The following CTNNA3 variants were observed in gnomAD, a reference collection of about 807,000 sequenced individuals.
CTNNA3 encodes catenin alpha-3.
In CTNNA3, 76 loss-of-function variants were observed where a neutral mutation model predicts 95.7. The observed-to-expected ratio is 0.79, with a 90% CI of 0.66 to 0.96. The LOEUF is 0.96. CTNNA3 is among the 40% of genes least tolerant of loss of function. The pLI, the probability that CTNNA3 is intolerant of heterozygous loss-of-function variation, is 0.00. For missense variants in CTNNA3, 1,191 were observed against 1,089.8 expected (o/e 1.09, Z -1.31); for synonymous variants, 431 against 374.4 (o/e 1.15, Z -1.74).
chr10:67,296,934 C>CA (rs1210482029), intron 5 of CTNNA3, among the ~76,000 whole-genome samples: 907 of 17,560 alleles, frequency 0.052, 138 homozygotes, highest in African/African-American at 0.078. Flanking sequence ...AACGCTGTCT[C>CA]AAAAAAAAAA....
At chr10:67,195,607 G>T (rs1420503330) in intron 6 of CTNNA3, among the ~76,000 whole-genome samples, 1 of 151,912 alleles carries the variant, frequency 6.6e-6, no homozygotes, top group Non-Finnish European at 1.5e-5. Flanking sequence ...TAAAGCCATA[G>T]ACCCATATGA....
At chr10:66,857,908 C>G (rs769690724) in intron 7 of CTNNA3, among the ~76,000 whole-genome samples, 5 of 152,054 alleles carry the variant, frequency 3.3e-5, no homozygotes, top group Non-Finnish European at 7.4e-5. Flanking sequence ...CTTGCTCTTG[C>G]CTGACTGGTC....
At chr10:65,957,637 C>T (rs904622996) in intron 17 of CTNNA3, among the ~76,000 whole-genome samples, 3 of 152,112 alleles carry the variant, frequency 2.0e-5, no homozygotes, top group Non-Finnish European at 4.4e-5. Flanking sequence ...TTTATACCTC[C>T]TTCACTTATG....
At position 67,050,659 on chromosome 10, in the gene CTNNA3, C is replaced by A. The variant is rs77678990; in HGVS notation, c.1047+129658G>T. Among the ~76,000 whole-genome samples the A allele has an allele frequency of 2.9e-3, 442 of 152,300 alleles. 8 individuals are homozygous for A. The East Asian group carries it at 0.058, about 20-fold the overall frequency. ...TGTGATTGCCCAGACTCGTGTCCTG[C>A]ATGGAATTTAAACTACTTTTGTAAC... is the stretch of plus-strand genomic sequence containing the variant. On this transcript the variant is annotated intron_variant, in intron 7 of 17. Transcript: ENST00000433211.
intron 7 of CTNNA3, among the ~76,000 whole-genome samples, chr10:66,806,800 A>C (rs1367784547): frequency 6.8e-6 from 1 of 147,202 alleles, no homozygotes; most frequent in Non-Finnish European, 1.5e-5. Flanking sequence ...GTGTGTGTAT[A>C]CATATATACA....
chr10:67,408,882 C>CAAAAAAAAAAAAAA (rs766212790), intron 5 of CTNNA3, among the ~76,000 whole-genome samples: 1 of 97,198 alleles, frequency 1.0e-5, no homozygotes, highest in East Asian at 3.9e-4. Context: ...CTTAAATTTA[C>CAAAAAAAAAAAAAA]AAAAAAAAAA....
intron 13 of CTNNA3, among the ~76,000 whole-genome samples, chr10:66,121,011 C>T (rs377212833): frequency 2.1e-4 from 32 of 152,230 alleles, no homozygotes; most frequent in African/African-American, 6.7e-4. Flanking sequence ...AGCTTCTCTC[C>T]GTGATGTCCT....
intron 11 of CTNNA3, among the ~76,000 whole-genome samples, chr10:66,447,111 C>G (rs1216151802): frequency 6.6e-6 from 1 of 151,766 alleles, no homozygotes; most frequent in Admixed American, 6.6e-5. Context: ...AGGAATCCAA[C>G]TTACAAGGGA....
intron 2 of CTNNA3, among the ~76,000 whole-genome samples, chr10:67,621,237 G>A (rs538262895): frequency 1.3e-5 from 2 of 152,208 alleles, no homozygotes; most frequent in African/African-American, 4.8e-5. Flanking sequence ...AGCCAGGGTT[G>A]AAAACCACTG....
chr10:66,822,831 G>A (rs1842349284), intron 7 of CTNNA3, among the ~76,000 whole-genome samples: 1 of 152,202 alleles, frequency 6.6e-6, no homozygotes, highest in African/African-American at 2.4e-5. Flanking sequence ...GGGCAGAGCA[G>A]GTGCTGCTGA....
intron 6 of CTNNA3, among the ~76,000 whole-genome samples, chr10:67,210,450 A>C (rs895746474): frequency 9.8e-5 from 15 of 152,338 alleles, no homozygotes; most frequent in East Asian, 5.8e-4. Context: ...ACATGTTCCT[A>C]ATGTCATTCA....
At position 67,443,825 on chromosome 10, in the gene CTNNA3, C is replaced by T. The variant is rs1157989247; in HGVS notation, c.579+78017G>A. Among the ~76,000 whole-genome samples the T allele has an allele frequency of 2.0e-5, 3 of 152,042 alleles. No individual in the cohort carries two copies. The East Asian group carries it at 5.8e-4, about 29-fold the overall frequency. Reference sequence around the variant, plus strand: ...ATTAGATCCCATTTGTCAATTTTGGCTTTTGTTGCCATTGCTTTTGGTGTT... The same window carrying T: ...ATTAGATCCCATTTGTCAATTTTGGTTTTTGTTGCCATTGCTTTTGGTGTT... On this transcript the variant is annotated intron_variant, in intron 5 of 17. Transcript: ENST00000433211.
intron 9 of CTNNA3, among the ~76,000 whole-genome samples, chr10:66,728,639 G>C (rs1848853019): frequency 6.6e-6 from 1 of 152,034 alleles, no homozygotes; most frequent in South Asian, 2.1e-4. Flanking sequence ...ACCCAGGCTG[G>C]AGTGCAGTGG....
intron 10 of CTNNA3, among the ~76,000 whole-genome samples, chr10:66,592,437 C>A (rs996416279): frequency 6.6e-6 from 1 of 152,196 alleles, no homozygotes; most frequent in African/African-American, 2.4e-5. Flanking sequence ...CTACAATGTT[C>A]CCCAATTGTA....
In CTNNA3 at chr10:66,398,141, T is replaced by G. The variant is rs11815017; in HGVS notation, c.1532-18789A>C. ...CTTATTGTTTATATTCTCTTTCTTT[T>G]CTTTGCACATTTTAAGTATTTTCAG... On this transcript the variant is annotated intron_variant, in intron 11 of 17. Coordinates refer to ENST00000433211, the MANE Select transcript of CTNNA3 (RefSeq NM_013266.4). Among the ~76,000 whole-genome samples the G allele has an allele frequency of 4.7e-3, 711 of 152,074 alleles. 2 individuals carry two copies. Among genetic ancestry groups the G allele is most frequent in the African/African-American group, 0.016 (661 of 41,564 alleles).
chr10:66,308,489 A>T (rs1240825161), intron 12 of CTNNA3, among the ~76,000 whole-genome samples: 1 of 152,200 alleles, frequency 6.6e-6, no homozygotes, highest in Non-Finnish European at 1.5e-5. Flanking sequence ...TAAATTTCTG[A>T]AAGAGGGCAT....
At chr10:66,813,391 G>A (rs576920894) in intron 7 of CTNNA3, among the ~76,000 whole-genome samples, 3 of 152,274 alleles carry the variant, frequency 2.0e-5, no homozygotes, top group African/African-American at 7.2e-5. Context: ...CTCAATTTGT[G>A]AAATGATAGG....
intron 7 of CTNNA3, among the ~76,000 whole-genome samples, chr10:66,947,421 G>C (rs765027771): frequency 1.3e-5 from 2 of 151,998 alleles, no homozygotes; most frequent in Admixed American, 6.6e-5. Context: ...TCTTTATGAG[G>C]GTCCATGGGG....
chr10:66,017,270 T>G (rs968196726), intron 15 of CTNNA3, among the ~76,000 whole-genome samples: 6 of 152,134 alleles, frequency 3.9e-5, no homozygotes, highest in Non-Finnish European at 8.8e-5. Flanking sequence ...ATTAATCCTA[T>G]GAAGTCAGTC....
Sources: allele counts gnomAD v4.1 joint callset (sites outside exome capture counted in the v4.1 genomes callset), GRCh38; gene constraint gnomAD v4.1.1; transcripts MANE v1.5; gene names NCBI Gene and HGNC (gene_info 2026-07-23, HGNC 2026-07-21).